Variants in PTPRG observed in about 807,000 individuals in gnomAD.
PTPRG encodes protein tyrosine phosphatase receptor type G.
Under a neutral mutation model 165.3 loss-of-function variants are expected in PTPRG, and 102 were observed. That is an observed-to-expected ratio of 0.62 (90% CI 0.53 to 0.73). The LOEUF (loss-of-function observed/expected upper bound fraction) is 0.73, where lower values mean the gene tolerates loss of function less well. PTPRG is among the 30% of genes least tolerant of loss of function. PTPRG has a pLI of 0.00. For synonymous variants in PTPRG, 675 were observed against 669.5 expected, an observed-to-expected ratio of 1.01 and a Z score of -0.13; for missense variants, 1,866 against 1,861.4, an observed-to-expected ratio of 1.00 and a Z score of -0.05.
intron 5 of PTPRG, among the ~76,000 whole-genome samples, chr3:62,082,795 G>A (rs1011060635): frequency 6.6e-6 from 1 of 152,190 alleles, no homozygotes; most frequent in Admixed American, 6.5e-5. Flanking sequence ...TGTGGAAGAC[G>A]GTGAATCAGG....
intron 4 of PTPRG, among the ~76,000 whole-genome samples, chr3:62,004,777 A>G (rs1022626884): frequency 6.6e-6 from 1 of 152,224 alleles, no homozygotes; most frequent in African/African-American, 2.4e-5. Flanking sequence ...AACATATGTT[A>G]ATCAAAGGAG....
chr3:61,982,406 G>C (rs1425222317), intron 2 of PTPRG, among the ~76,000 whole-genome samples: 2 of 152,122 alleles, frequency 1.3e-5, no homozygotes, highest in African/African-American at 4.8e-5. Context: ...TGAATGTTTG[G>C]ATGTGGGGTG....
intron 1 of PTPRG, among the ~76,000 whole-genome samples, chr3:61,704,415 G>A (rs1434487978): frequency 6.6e-6 from 1 of 152,092 alleles, no homozygotes; most frequent in Non-Finnish European, 1.5e-5. Flanking sequence ...TTACATCAAG[G>A]ATTCTTCACC....
At chr3:61,886,045 C>T (rs1283480296) in intron 2 of PTPRG, among the ~76,000 whole-genome samples, 1 of 151,864 alleles carries the variant, frequency 6.6e-6, no homozygotes, top group Non-Finnish European at 1.5e-5. Flanking sequence ...CCCAGGACAA[C>T]TCGAGCACCA....
chr3:61,875,024 T>C (rs1188687654), intron 2 of PTPRG, among the ~76,000 whole-genome samples: 2 of 152,186 alleles, frequency 1.3e-5, no homozygotes, highest in Non-Finnish European at 2.9e-5. Context: ...AGAAAGCTGT[T>C]TTCTTTAGAA....
At chr3:62,140,994 A>T (rs1389873072) in intron 6 of PTPRG, among the ~76,000 whole-genome samples, 1 of 152,098 alleles carries the variant, frequency 6.6e-6, no homozygotes, top group Admixed American at 6.6e-5. Flanking sequence ...AAAAATTTCC[A>T]TGCTGTCCCC....
At chr3:61,796,391 T>C (rs1463271841) in intron 2 of PTPRG, among the ~76,000 whole-genome samples, 1 of 152,178 alleles carries the variant, frequency 6.6e-6, no homozygotes, top group Non-Finnish European at 1.5e-5. Context: ...AGGAATGTAA[T>C]AAATAACGGC....
At chr3:61,585,650 G>A (rs1700418244) in intron 1 of PTPRG, among the ~76,000 whole-genome samples, 1 of 152,158 alleles carries the variant, frequency 6.6e-6, no homozygotes, top group Admixed American at 6.5e-5. Context: ...GGGAGGCTGA[G>A]GTGGGAGGAT....
At chr3:61,824,449 G>C (rs2036049974) in intron 2 of PTPRG, among the ~76,000 whole-genome samples, 1 of 152,202 alleles carries the variant, frequency 6.6e-6, no homozygotes, top group Non-Finnish European at 1.5e-5. Flanking sequence ...TTACATCTAA[G>C]AGGCCTTCCC....
chr3:62,241,049 C>T (rs1321498077), intron 14 of PTPRG, among the ~76,000 whole-genome samples: 2 of 152,082 alleles, frequency 1.3e-5, no homozygotes, highest in African/African-American at 4.8e-5. Context: ...CAGGGATAGA[C>T]CTCAAAATAT....
At chr3:62,168,843 A>G (rs963744217) in intron 8 of PTPRG, among the ~76,000 whole-genome samples, 2 of 152,142 alleles carry the variant, frequency 1.3e-5, no homozygotes, top group African/African-American at 4.8e-5. Context: ...TCCAGGAACA[A>G]TCAGGTCGCC....
chr3:62,268,923 T>C (rs1397960514), intron 19 of PTPRG, 112 bp from the exon 20 acceptor site: 8 of 1,210,676 alleles, frequency 6.6e-6, no homozygotes, highest in Non-Finnish European at 8.9e-6. Flanking sequence ...CCTTTTTCAG[T>C]CAACTAAATG....
chr3:62,207,745 A>G (rs1559651372), intron 12 of PTPRG, among the ~76,000 whole-genome samples: 1 of 152,202 alleles, frequency 6.6e-6, no homozygotes, highest in East Asian at 1.9e-4. Flanking sequence ...TGGCTTTAAT[A>G]TATTATCTCC....
In PTPRG at chr3:62,213,614, C is replaced by T. The variant is rs1438393867; in HGVS notation, c.2156-5237C>T. On this transcript the variant is annotated intron_variant, in intron 12 of 29. Transcript: ENST00000474889. The surrounding 1 kb of genome is among the most constrained non-coding windows in gnomAD (Gnocchi z 4.4). ...GCCACACAGCTGGAAAGGCCTAAGT[C>T]AAAATTTGTACTCAGGTCTGCCTGA... Among the ~76,000 whole-genome samples the T allele has an allele frequency of 6.6e-6, 1 of 152,044 alleles. No individual in the cohort carries two copies. The highest frequency in any genetic ancestry group is 1.5e-5 in the Non-Finnish European group (1 of 68,018).
chr3:62,207,640 A>G (rs1375654462), intron 12 of PTPRG, among the ~76,000 whole-genome samples: 2 of 152,358 alleles, frequency 1.3e-5, no homozygotes, highest in African/African-American at 4.8e-5. Flanking sequence ...GATAATGTGT[A>G]AAGTTACACA....
At chr3:61,758,556 A>G (rs2033715660) in intron 2 of PTPRG, among the ~76,000 whole-genome samples, 2 of 152,062 alleles carry the variant, frequency 1.3e-5, no homozygotes, top group Admixed American at 6.6e-5. Flanking sequence ...GGTTCAAACA[A>G]TTCTCTTGTC....
chr3:61,903,581 C>T (rs139744986), intron 2 of PTPRG, among the ~76,000 whole-genome samples: 1 of 152,234 alleles, frequency 6.6e-6, no homozygotes, highest in East Asian at 1.9e-4. Flanking sequence ...CCCATGTTGG[C>T]CAGGCTGGTC....
intron 2 of PTPRG, among the ~76,000 whole-genome samples, chr3:61,775,326 C>T (rs1227663502): frequency 6.6e-6 from 1 of 152,104 alleles, no homozygotes; most frequent in Non-Finnish European, 1.5e-5. Flanking sequence ...CCACTTTGGC[C>T]TCCCAAAGTG....
At chr3:62,040,990 C>CT (rs1289363657) in intron 4 of PTPRG, among the ~76,000 whole-genome samples, 3 of 152,170 alleles carry the variant, frequency 2.0e-5, no homozygotes, top group African/African-American at 7.2e-5. Flanking sequence ...ACAGACCAAA[C>CT]TTTGAGTCCT....
Sources: gnomAD v4.1 joint callset for allele counts (sites outside exome capture counted in the v4.1 genomes callset) on GRCh38, gnomAD v4.1.1 for gene constraint, Gnocchi (gnomAD v3.1) non-coding constraint, MANE v1.5 for transcripts, NCBI Gene and HGNC (gene_info 2026-07-23, HGNC 2026-07-21) for gene names.